Variants in CRB1 observed in about 807,000 individuals in gnomAD.
CRB1 encodes protein crumbs homolog 1.
In CRB1, 83 loss-of-function variants were observed where a neutral mutation model predicts 120.0. That is an observed-to-expected ratio of 0.69 (90% CI 0.58 to 0.83). The LOEUF is 0.83. CRB1 is among the 40% of genes least tolerant of loss of function. The probability of loss-of-function intolerance (pLI) is 0.00; values close to 1 mark genes in which losing one functional copy is unlikely to be tolerated. For missense variants in CRB1, 1,699 were observed against 1,687.6 expected, an observed-to-expected ratio of 1.01 and a Z score of -0.12; for synonymous variants, 625 against 612.5, an observed-to-expected ratio of 1.02 and a Z score of -0.30.
intron 7 of CRB1, chr1:197,429,209 T>C: frequency 1.3e-6 from 2 of 1,496,394 alleles, no homozygotes; most frequent in East Asian, 2.5e-5. Context: ...ACCCTCCTTG[T>C]GCTATGGATC....
At chr1:197,448,838 C>G (rs1231932570) in intron 11 of CRB1, among the ~76,000 whole-genome samples, 2 of 152,204 alleles carry the variant, frequency 1.3e-5, no homozygotes, top group Non-Finnish European at 2.9e-5. Flanking sequence ...CAATAATAAA[C>G]TGCTCAAGGC....
At chr1:197,375,595 C>G (rs1173607507) in intron 5 of CRB1, among the ~76,000 whole-genome samples, 1 of 152,146 alleles carries the variant, frequency 6.6e-6, no homozygotes, top group East Asian at 1.9e-4. Flanking sequence ...ACCTATCTAT[C>G]TGTCACTCAT....
chr1:197,355,638 G>A (rs1343380113), intron 4 of CRB1, among the ~76,000 whole-genome samples: 3 of 152,186 alleles, frequency 2.0e-5, no homozygotes, highest in Admixed American at 6.5e-5. Flanking sequence ...TGCTGGCCCG[G>A]GTGCTAAGCC....
At chr1:197,425,847 T>A (rs1047429140) in intron 6 of CRB1, among the ~76,000 whole-genome samples, 1 of 152,044 alleles carries the variant, frequency 6.6e-6, no homozygotes, top group Non-Finnish European at 1.5e-5. Context: ...TCTCATCCAG[T>A]CTTGTGGCTC....
At chr1:197,205,193 C>A in the CRB1 span, among the ~76,000 whole-genome samples, 1 of 152,044 alleles carries the variant, frequency 6.6e-6, no homozygotes, top group African/African-American at 2.4e-5. Context: ...GGTATCATAT[C>A]ATCAGCAAGC....
chr1:197,466,194 C>A (rs955683325), intron 11 of CRB1, among the ~76,000 whole-genome samples: 6 of 152,162 alleles, frequency 3.9e-5, no homozygotes, highest in Non-Finnish European at 7.3e-5. Context: ...TTTGATTAAT[C>A]AACACTTATG....
chr1:197,306,371 G>A (rs1047129900), intron 1 of CRB1, among the ~76,000 whole-genome samples: 1 of 152,174 alleles, frequency 6.6e-6, no homozygotes, highest in South Asian at 2.1e-4. Context: ...GATATCTGAA[G>A]TATCAGGAAT....
At chr1:197,362,292 T>C (rs927691401) in intron 5 of CRB1, among the ~76,000 whole-genome samples, 5 of 152,130 alleles carry the variant, frequency 3.3e-5, no homozygotes, top group African/African-American at 4.8e-5. Flanking sequence ...TGGTAAATGT[T>C]CCATGGTTGC....
At chr1:197,309,662 G>C (rs1227257390) in intron 1 of CRB1, among the ~76,000 whole-genome samples, 2 of 151,958 alleles carry the variant, frequency 1.3e-5, no homozygotes, top group African/African-American at 4.8e-5. Flanking sequence ...GCTGAGGCAG[G>C]AGAATGGCAT....
At chr1:197,270,609 T>A (rs1319436045) in intron 1 of CRB1, among the ~76,000 whole-genome samples, 1 of 152,184 alleles carries the variant, frequency 6.6e-6, no homozygotes, top group Non-Finnish European at 1.5e-5. Context: ...AGATAAACAC[T>A]ATGAGCTTTA....
At chr1:197,317,303 A>C (rs1657910509) in intron 1 of CRB1, among the ~76,000 whole-genome samples, 1 of 152,222 alleles carries the variant, frequency 6.6e-6, no homozygotes, top group African/African-American at 2.4e-5. Flanking sequence ...CTGTAATCCC[A>C]GCTACTGGGG....
chr1:197,463,777 A>G (rs767722372), intron 11 of CRB1, among the ~76,000 whole-genome samples: 7 of 152,144 alleles, frequency 4.6e-5, no homozygotes, highest in African/African-American at 9.7e-5. Context: ...CCATATCCCT[A>G]TGTTCCACCT....
At chr1:197,233,388 A>T in the CRB1 span, among the ~76,000 whole-genome samples, 1 of 152,178 alleles carries the variant, frequency 6.6e-6, no homozygotes, top group African/African-American at 2.4e-5. Context: ...GTATCTGGGA[A>T]ATGTATTTAA....
chr1:197,409,975 C>G (rs1313842969), intron 5 of CRB1, among the ~76,000 whole-genome samples: 1 of 152,040 alleles, frequency 6.6e-6, no homozygotes, highest in African/African-American at 2.4e-5. Context: ...TTAGTAGAGA[C>G]GGGGTTTCAC....
At chr1:197,375,552 A>C (rs1483130600) in intron 5 of CRB1, among the ~76,000 whole-genome samples, 1 of 152,168 alleles carries the variant, frequency 6.6e-6, no homozygotes, top group African/African-American at 2.4e-5. Flanking sequence ...AGTGATCCTC[A>C]GTGCCCATGG....
chr1:197,354,810 G>T (rs1189370920), intron 4 of CRB1, among the ~76,000 whole-genome samples: 7 of 2,060 alleles, frequency 3.4e-3, no homozygotes, highest in Non-Finnish European at 6.7e-3. Context: ...TCCCTTATCT[G>T]CCCCCCGCCC....
At chr1:197,429,636 C>T (rs1664780672) in intron 8 of CRB1, 22 bp downstream of exon 8, 5 of 1,611,620 alleles carry the variant, frequency 3.1e-6, no homozygotes, top group Non-Finnish European at 4.2e-6. Context: ...TCAAACCTAC[C>T]ATCTCACCAG....
At chr1:197,346,925 T>C (rs571191570) in intron 3 of CRB1, among the ~76,000 whole-genome samples, 39 of 152,352 alleles carry the variant, frequency 2.6e-4, no homozygotes, top group Non-Finnish European at 5.0e-4. Context: ...AGTGCCATGA[T>C]GGTATAAATC....
chr1:197,244,699 C>CT, the CRB1 span, among the ~76,000 whole-genome samples: 1 of 151,696 alleles, frequency 6.6e-6, no homozygotes, highest in Non-Finnish European at 1.5e-5. Flanking sequence ...AGTTTTATGT[C>CT]TTTTTCCAAA....
Sources: allele counts gnomAD v4.1 joint callset (sites outside exome capture counted in the v4.1 genomes callset), GRCh38; gene constraint gnomAD v4.1.1; transcripts MANE v1.5; gene names NCBI Gene and HGNC (gene_info 2026-07-23, HGNC 2026-07-21).